Variants in MTA3 observed in about 807,000 individuals in gnomAD.
MTA3 encodes the protein metastasis-associated protein MTA3.
Under a neutral mutation model 83.5 loss-of-function variants are expected in MTA3, and 34 were observed. The observed-to-expected ratio is 0.41, with a 90% CI of 0.31 to 0.54. The LOEUF is 0.54. Ranked by LOEUF, MTA3 falls within the 20% of genes least tolerant of loss-of-function variation. The pLI is 0.33. For missense variants in MTA3, 761 were observed against 726.4 expected, an observed-to-expected ratio of 1.05 and a Z score of -0.55; for synonymous variants, 303 against 252.7, an observed-to-expected ratio of 1.20 and a Z score of -1.89.
At chr2:42,711,292 A>T (rs1317561559) in intron 14 of MTA3, among the ~76,000 whole-genome samples, 4 of 152,098 alleles carry the variant, frequency 2.6e-5, no homozygotes, top group African/African-American at 9.7e-5. Flanking sequence ...TGTTTTGATT[A>T]TTCTTCAATG....
chr2:42,619,379 T>G (rs1685275912), intron 4 of MTA3, among the ~76,000 whole-genome samples: 1 of 152,204 alleles, frequency 6.6e-6, no homozygotes. Flanking sequence ...TTTTTGTATC[T>G]TAGTCAGTTT....
intron 2 of MTA3, among the ~76,000 whole-genome samples, chr2:42,528,471 C>T (rs906156467): frequency 1.3e-5 from 2 of 152,152 alleles, no homozygotes; most frequent in Non-Finnish European, 2.9e-5. Context: ...CCACCCGCCT[C>T]GGCCTCCCAA....
chr2:42,657,768 A>C (rs1338953802), intron 7 of MTA3, among the ~76,000 whole-genome samples: 94 of 145,600 alleles, frequency 6.5e-4, no homozygotes, highest in African/African-American at 2.3e-3. Context: ...TCTCTTAAAA[A>C]AAAAAAAAAA....
At chr2:42,632,132 C>T (rs1387338291) in intron 4 of MTA3, among the ~76,000 whole-genome samples, 1 of 149,624 alleles carries the variant, frequency 6.7e-6, no homozygotes, top group Non-Finnish European at 1.5e-5. Context: ...GCTCATCGCC[C>T]AGGCTGGAGT....
Position 42,722,871 on chromosome 2 carries a change from C to T in MTA3, c.1613-18C>T, listed in dbSNP as rs73930474. 1,619 of 1,550,384 alleles carry T rather than the reference C, an allele frequency of 1.0e-3. 19 individuals are homozygous for T. In the African/African-American group the frequency reaches 0.019, roughly 19 times the overall value. On this transcript the variant is annotated intron_variant, in intron 15 of 16. Transcript: ENST00000405094. Reference sequence around the variant, plus strand: ...TAATATCATGTTCTGAATTGAGAAACCTTTTTTCCCCCATCAGAGATCCAT... The same window carrying T: ...TAATATCATGTTCTGAATTGAGAAATCTTTTTTCCCCCATCAGAGATCCAT...
At chr2:42,556,355 T>A (rs1677392668) in intron 2 of MTA3, among the ~76,000 whole-genome samples, 1 of 152,176 alleles carries the variant, frequency 6.6e-6, no homozygotes, top group Non-Finnish European at 1.5e-5. Context: ...TGGAAAGTGT[T>A]TACCAAGTGC....
intron 16 of MTA3, among the ~76,000 whole-genome samples, chr2:42,751,338 TAAAC>T (rs1170995350): frequency 2.0e-5 from 3 of 152,110 alleles, no homozygotes; most frequent in African/African-American, 2.4e-5. Context: ...TGAGAATAAA[TAAAC>T]AAAAAGAGAA....
chr2:42,602,621 T>C (rs1022632524), intron 3 of MTA3, among the ~76,000 whole-genome samples: 2 of 152,180 alleles, frequency 1.3e-5, no homozygotes, highest in African/African-American at 4.8e-5. Flanking sequence ...TTGGGTAATA[T>C]GAGGGCTAGG....
intron 6 of MTA3, among the ~76,000 whole-genome samples, chr2:42,655,037 C>T (rs1385932137): frequency 6.6e-6 from 1 of 152,198 alleles, no homozygotes; most frequent in Non-Finnish European, 1.5e-5. Context: ...TTACCAATCT[C>T]ATAACCATGT....
At chr2:42,553,146 C>G (rs564575029) in intron 2 of MTA3, among the ~76,000 whole-genome samples, 80 of 151,324 alleles carry the variant, frequency 5.3e-4, no homozygotes, top group African/African-American at 1.9e-3. Context: ...GCTGGGTGGG[C>G]CGGGCGCAGT....
intron 15 of MTA3, among the ~76,000 whole-genome samples, chr2:42,722,129 C>T (rs1170054414): frequency 6.6e-6 from 1 of 152,122 alleles, no homozygotes; most frequent in Non-Finnish European, 1.5e-5. Context: ...AGCTGCTAAG[C>T]TTTAGAAAAA....
At chr2:42,744,104 C>T (rs747745999) in intron 16 of MTA3, among the ~76,000 whole-genome samples, 52 of 152,086 alleles carry the variant, frequency 3.4e-4, no homozygotes, top group Non-Finnish European at 6.9e-4. Context: ...ATTATGCCCC[C>T]AGGGTTACTG....
chr2:42,607,091 TAGGGGTAGA>T (rs1473008104), intron 3 of MTA3, among the ~76,000 whole-genome samples: 8 of 135,814 alleles, frequency 5.9e-5, no homozygotes, highest in African/African-American at 2.0e-4. Flanking sequence ...GGGGTAGGGG[TAGGGGTAGA>T]GGTAGAGGTA....
intron 3 of MTA3, among the ~76,000 whole-genome samples, chr2:42,594,618 G>A (rs1681462239): frequency 7.1e-6 from 1 of 141,056 alleles, no homozygotes; most frequent in African/African-American, 2.6e-5. Context: ...AATTTCTTAT[G>A]ACTGAAGTGG....
At position 42,756,808 on chromosome 2, in the gene MTA3, G is replaced by C. The variant is rs1397698904; in HGVS notation, c.*3409G>C. The C allele has an allele frequency of 1.0e-6, 1 of 985,340 alleles. No homozygotes were observed. Among genetic ancestry groups the C allele is most frequent in the Non-Finnish European group, 1.2e-6 (1 of 829,974 alleles). The allele number at this position is 985,340 out of a possible 1,614,324, so 61.0% of individuals were successfully genotyped here. A position where few individuals can be genotyped will look rare whatever the true frequency, so the allele number is the denominator to read the frequency against. ...TCCCTGCCAGGGAAGCTAACCCAGA[G>C]CACGCACCTGTGCTCATGAGTGTTT... On this transcript the variant is annotated 3_prime_UTR_variant, in exon 17 of 17. Coordinates refer to ENST00000405094, the MANE Select transcript of MTA3 (RefSeq NM_001330442.2).
intron 16 of MTA3, among the ~76,000 whole-genome samples, chr2:42,725,255 A>G (rs867288318): frequency 6.6e-6 from 1 of 152,344 alleles, no homozygotes; most frequent in Non-Finnish European, 1.5e-5. Context: ...GTATAAATGA[A>G]GGTGATTGAG....
intron 3 of MTA3, among the ~76,000 whole-genome samples, chr2:42,581,535 G>C (rs1006639900): frequency 4.0e-5 from 6 of 151,088 alleles, no homozygotes; most frequent in African/African-American, 1.2e-4. Context: ...ACCGTGCCTA[G>C]CTAATTAAAA....
intron 16 of MTA3, among the ~76,000 whole-genome samples, chr2:42,737,282 G>T (rs1232419563): frequency 1.3e-5 from 2 of 152,176 alleles, no homozygotes; most frequent in Non-Finnish European, 2.9e-5. Context: ...CAGTGGAAGG[G>T]CTTGCCAGAA....
chr2:42,540,801 C>T (rs947651658), intron 2 of MTA3, among the ~76,000 whole-genome samples: 3 of 150,140 alleles, frequency 2.0e-5, no homozygotes, highest in African/African-American at 7.4e-5. Flanking sequence ...TGCTATTGCA[C>T]TCCAGCCTGG....
Sources: allele counts gnomAD v4.1 joint callset (sites outside exome capture counted in the v4.1 genomes callset), GRCh38; gene constraint gnomAD v4.1.1; transcripts MANE v1.5; gene names NCBI Gene and HGNC (gene_info 2026-07-23, HGNC 2026-07-21).